Variants in SCAF4 observed in about 807,000 individuals in gnomAD.
The protein encoded by SCAF4 is SR-related and CTD-associated factor 4.
In SCAF4, 25 loss-of-function variants were observed where a neutral mutation model predicts 129.8. The observed-to-expected ratio is 0.19, with a 90% CI of 0.14 to 0.27. The LOEUF is 0.27. SCAF4 is among the 10% of genes least tolerant of loss of function. SCAF4 has a pLI of 1.00. For missense variants in SCAF4, 1,246 were observed against 1,457.1 expected (o/e 0.86, Z 2.36); for synonymous variants, 551 against 497.7 (o/e 1.11, Z -1.43).
At chr21:31,723,461 C>A (rs980222756) in intron 1 of SCAF4, among the ~76,000 whole-genome samples, 13 of 150,458 alleles carry the variant, frequency 8.6e-5, no homozygotes, top group African/African-American at 2.9e-4. Context: ...TCAAAAAAAA[C>A]AAAACAAAAC....
At chr21:31,723,609 G>GTTGTGT (rs112184778) in intron 1 of SCAF4, among the ~76,000 whole-genome samples, 5,594 of 145,874 alleles carry the variant, frequency 0.038, 126 homozygotes, top group Non-Finnish European at 0.043. Context: ...TGATTTATAT[G>GTTGTGT]ATGTGTGTGT....
intron 1 of SCAF4, among the ~76,000 whole-genome samples, chr21:31,710,036 A>G (rs975961022): frequency 7.3e-5 from 11 of 149,978 alleles, no homozygotes; most frequent in East Asian, 2.0e-4. Context: ...ATATAGGGGG[A>G]AAAAAAAAAT....
chr21:31,671,296 G>A lies in SCAF4; in HGVS notation c.*103C>T, dbSNP rs1486920552. On this transcript the variant is annotated 3_prime_UTR_variant, in exon 20 of 20. Transcript: ENST00000286835. ...TGCTTACAGTTCCCCACCAGCTGGC[G>A]CGGGGCTGCAGTACAGCGGGAGCGG... is the stretch of plus-strand genomic sequence containing the variant. 3.8e-5 allele frequency: 50 copies of A among 1,306,932 alleles called. No homozygotes were observed. Among genetic ancestry groups the A allele is most frequent in the East Asian group, 2.2e-4 (9 of 41,790 alleles). 81.0% of individuals were successfully genotyped at this position (1,306,932 alleles called of 1,614,324 possible).
chr21:31,693,407 C>T lies in SCAF4; in HGVS notation c.1400G>A (p.Arg467Lys). 2 of 1,577,218 alleles carry T rather than the reference C, an allele frequency of 1.3e-6. No homozygotes were observed. Among genetic ancestry groups the T allele is most frequent in the Non-Finnish European group, 1.7e-6 (2 of 1,153,904 alleles). The stretch of plus-strand genomic sequence containing the variant: ...TCGGGGAGAATGTCGGCGTCTATCC[C>T]TGGACCGAGATCGAGAACGTCGATG... ...SRHRRSRSRS[R>K]DRRRHSPRSR... Residue 467 changes from arginine to lysine, a missense_variant, in exon 12 of 20, where the codon AGG becomes AAG. Physicochemically the swap from Arg to Lys is conservative, Grantham distance 26. Around this residue, in one of 6 missense-constraint regions of SCAF4, gnomAD observed 468 missense variants for 605.5 expected, o/e 0.77. Coordinates refer to ENST00000286835, the MANE Select transcript of SCAF4 (RefSeq NM_020706.2).
In SCAF4 at chr21:31,702,261, T is replaced by A. The variant is rs2050551145; in HGVS notation, c.440A>T (p.Asn147Ile). Residue 147 changes from asparagine (N) to isoleucine (I), a missense_variant, in exon 5 of 20, where the codon AAT becomes ATT. Coordinates refer to ENST00000286835, the MANE Select transcript of SCAF4 (RefSeq NM_020706.2). ...GACCATACCTTCATTATTGGTAACATTTTCTGCTACTGGGGCTGCATTACT... is the reference window on the plus strand; with the variant it reads ...GACCATACCTTCATTATTGGTAACAATTTCTGCTACTGGGGCTGCATTACT... ...GTSNAAPVAENVTNNEGSPPP... is the reference protein window; with the variant it reads ...GTSNAAPVAEIVTNNEGSPPP... 6.2e-7 allele frequency: 1 copy of A among 1,614,120 alleles called. No homozygotes were observed. The highest frequency in any genetic ancestry group is 1.3e-5 in the African/African-American group (1 of 75,054).
chr21:31,723,886 T>C (rs73201539), intron 1 of SCAF4, among the ~76,000 whole-genome samples: 5,129 of 152,246 alleles, frequency 0.034, 131 homozygotes, highest in Non-Finnish European at 0.048. Context: ...GGTATTTGGA[T>C]GGCCATCCAC....
intron 11 of SCAF4, among the ~76,000 whole-genome samples, chr21:31,693,954 T>G (rs1008004343): frequency 1.1e-4 from 17 of 152,140 alleles, no homozygotes; most frequent in Non-Finnish European, 2.4e-4. Flanking sequence ...TACCTATGTA[T>G]AGAATTATAT....
intron 1 of SCAF4, among the ~76,000 whole-genome samples, chr21:31,727,901 T>C (rs1465475128): frequency 7.0e-6 from 1 of 142,806 alleles, no homozygotes; most frequent in Admixed American, 7.3e-5. Context: ...TTAGCCATAA[T>C]TGATAACTGA....
At chr21:31,727,779 G>A (rs1314932363) in intron 1 of SCAF4, among the ~76,000 whole-genome samples, 1 of 151,372 alleles carries the variant, frequency 6.6e-6, no homozygotes, top group Non-Finnish European at 1.5e-5. Flanking sequence ...GACAGAGCGG[G>A]TCTCCACCTT....
In SCAF4 at chr21:31,671,713, T is replaced by C. The variant is rs2049701698; in HGVS notation, c.3130A>G (p.Arg1044Gly). 1.2e-6 allele frequency: 2 copies of C among 1,614,188 alleles called. No individual in the cohort carries two copies. Among genetic ancestry groups the C allele is most frequent in the Non-Finnish European group, 8.5e-7 (1 of 1,179,998 alleles). The change falls in exon 20 of 20, where the codon AGA (arginine) becomes GGA (glycine). Residue 1044 changes from arginine (R) to glycine (G), a missense_variant. Physicochemically the swap from Arg to Gly is moderately radical, Grantham distance 125. Transcript: ENST00000286835. ...GRRSPDRDRH[R>G]DLEERNRRSS... ...CGTCTATTTCTCTCTTCCAAGTCTC[T>C]GTGCCTGTCCCGGTCAGGGCTCCTC...
At position 31,701,876 on chromosome 21, in the gene SCAF4, G is replaced by A. The variant is rs762975396; in HGVS notation, c.500C>T (p.Thr167Ile). The A allele has an allele frequency of 4.3e-6, 7 of 1,613,948 alleles. No individual in the cohort carries two copies. In the East Asian group the frequency reaches 1.6e-4, roughly 36 times the overall value. ...TGGGACGGAGTTTGGAGTGGCTTGT[G>A]TGGGAGGTTCAGAAGAAACTTTTAC... is the stretch of plus-strand genomic sequence containing the variant. ...PPVKVSSEPP[T>I]QATPNSVPAV... Residue 167 changes from threonine to isoleucine, a missense_variant, in exon 6 of 20, where the codon ACA becomes ATA. Transcript: ENST00000286835.
At chr21:31,730,369 T>G (rs1291273928) in intron 1 of SCAF4, among the ~76,000 whole-genome samples, 1 of 152,204 alleles carries the variant, frequency 6.6e-6, no homozygotes. Context: ...CAGTTGCAAC[T>G]TCTGCAGTTA....
chr21:31,699,291 T>TA (rs1211793196), intron 7 of SCAF4, among the ~76,000 whole-genome samples: 3 of 151,902 alleles, frequency 2.0e-5, no homozygotes, highest in Admixed American at 1.3e-4. Flanking sequence ...CAGACAATCA[T>TA]AAAAAAAACC....
At chr21:31,708,114 G>A (rs112471927) in intron 1 of SCAF4, among the ~76,000 whole-genome samples, 8 of 152,214 alleles carry the variant, frequency 5.3e-5, no homozygotes, top group South Asian at 2.1e-4. Flanking sequence ...AAGGCCAGGC[G>A]CGGTGGCTCA....
intron 19 of SCAF4, among the ~76,000 whole-genome samples, chr21:31,682,336 G>A (rs2050015647): frequency 1.3e-5 from 2 of 150,410 alleles, no homozygotes; most frequent in African/African-American, 4.9e-5. Flanking sequence ...ATGAGATTGC[G>A]CCACTGCACT....
At chr21:31,677,211 A>G (rs2049880396) in intron 19 of SCAF4, among the ~76,000 whole-genome samples, 1 of 152,094 alleles carries the variant, frequency 6.6e-6, no homozygotes, top group Non-Finnish European at 1.5e-5. Context: ...TCCGTGCTCC[A>G]ATGGTTACAC....
rs1195581243 is a variant in SCAF4 at position 31,725,641 on chromosome 21, C to T, written c.30+6022G>A. On this transcript the variant is annotated intron_variant, in intron 1 of 19. Transcript: ENST00000286835. ...AGGACCTCTGAGAGGTCTTTGAGTC[C>T]CTTTCCGTGGTTTGAGGTCAGAACT... Among the ~76,000 whole-genome samples the T allele has an allele frequency of 2.0e-5, 3 of 152,062 alleles. No homozygotes were observed. The South Asian group carries it at 6.2e-4, about 31-fold the overall frequency.
chr21:31,702,066 T>C, intron 5 of SCAF4, 148 bp from the exon 6 acceptor site: 1 of 1,216,078 alleles, frequency 8.2e-7, no homozygotes, highest in Non-Finnish European at 1.2e-6. Context: ...CTGTAACAAC[T>C]ACCAGAAGAG....
At chr21:31,700,171 T>TAC (rs1282597434) in intron 7 of SCAF4, among the ~76,000 whole-genome samples, 6 of 138,538 alleles carry the variant, frequency 4.3e-5, no homozygotes, top group Non-Finnish European at 6.4e-5. Context: ...AAGGTTAAAA[T>TAC]ACACACACAC....
Sources: gnomAD v4.1 joint callset for allele counts (sites outside exome capture counted in the v4.1 genomes callset) on GRCh38, gnomAD v4.1.1 for gene constraint, gnomAD v4.1.1 regional missense constraint, MANE v1.5 for transcripts, NCBI Gene and HGNC (gene_info 2026-07-23, HGNC 2026-07-21) for gene names.